The following PSD2 variants were observed in gnomAD, a reference collection of about 807,000 sequenced individuals.
PSD2 encodes PH and SEC7 domain-containing protein 2.
A neutral mutation model predicts 69.8 loss-of-function variants in PSD2; 38 were observed. That is an observed-to-expected ratio of 0.54 (90% CI 0.42 to 0.71). The LOEUF (loss-of-function observed/expected upper bound fraction) is 0.71. Among genes scored for constraint, PSD2 ranks in the 30% least tolerant of loss-of-function variants. PSD2 has a pLI of 0.00. For missense variants in PSD2, 943 were observed against 1,014.5 expected (o/e 0.93, Z 0.96); for synonymous variants, 412 against 423.0 (o/e 0.97, Z 0.32).
intron 1 of PSD2, among the ~76,000 whole-genome samples, chr5:139,796,505 C>T (rs895393167): frequency 6.6e-6 from 1 of 152,224 alleles, no homozygotes; most frequent in Admixed American, 6.5e-5. Flanking sequence ...CCAGGCCTCC[C>T]CGGCTCTGCA....
the PSD2 span, among the ~76,000 whole-genome samples, chr5:139,784,446 ATCTATC>A: frequency 2.0e-5 from 3 of 152,062 alleles, no homozygotes; most frequent in East Asian, 5.8e-4. Context: ...GATGTCTCCA[ATCTATC>A]TCTAACACAG....
chr5:139,769,883 G>T, the PSD2 span, among the ~76,000 whole-genome samples: 1 of 152,242 alleles, frequency 6.6e-6, no homozygotes, highest in Admixed American at 6.5e-5. Context: ...GTCACACAGG[G>T]CCCCATGCTC....
chr5:139,744,607 G>A, the PSD2 span, among the ~76,000 whole-genome samples: 22 of 152,240 alleles, frequency 1.4e-4, no homozygotes, highest in South Asian at 4.6e-3. Context: ...GGCAGCGGCG[G>A]GGGTGGGGGG....
intron 7 of PSD2, among the ~76,000 whole-genome samples, chr5:139,825,176 G>A (rs1760384313): frequency 6.6e-6 from 1 of 152,186 alleles, no homozygotes; most frequent in Non-Finnish European, 1.5e-5. Flanking sequence ...TCCATGAAGG[G>A]CACACACAGG....
At chr5:139,830,440 G>A (rs929188959) in intron 7 of PSD2, among the ~76,000 whole-genome samples, 22 of 143,952 alleles carry the variant, frequency 1.5e-4, no homozygotes, top group African/African-American at 4.6e-4. Flanking sequence ...AGCCTCAACC[G>A]CCTGGGCTCA....
At chr5:139,802,973 C>T (rs1183173830) in intron 1 of PSD2, among the ~76,000 whole-genome samples, 1 of 152,198 alleles carries the variant, frequency 6.6e-6, no homozygotes, top group East Asian at 1.9e-4. Context: ...AAGGCAAGGG[C>T]TGGTTCCCTG....
the PSD2 span, among the ~76,000 whole-genome samples, chr5:139,788,493 G>T: frequency 6.6e-6 from 1 of 152,160 alleles, no homozygotes; most frequent in Non-Finnish European, 1.5e-5. Flanking sequence ...GGACAGGGTG[G>T]GGTGACCTCC....
the PSD2 span, among the ~76,000 whole-genome samples, chr5:139,752,785 G>A: frequency 6.6e-6 from 1 of 152,196 alleles, no homozygotes; most frequent in South Asian, 2.1e-4. Context: ...CAGAGAGCTG[G>A]CTGCCCGCCA....
chr5:139,771,534 A>G, the PSD2 span, among the ~76,000 whole-genome samples: 2 of 151,956 alleles, frequency 1.3e-5, no homozygotes. Context: ...GCCCGCCACC[A>G]CGCCCGGCTA....
chr5:139,806,178 A>G (rs114262098), intron 1 of PSD2, among the ~76,000 whole-genome samples: 1,828 of 152,370 alleles, frequency 0.012, 37 homozygotes, highest in African/African-American at 0.042. Flanking sequence ...GAGAGGCTGC[A>G]GGGGATCTTG....
chr5:139,821,833 G>A (rs1256141071), intron 5 of PSD2, 60 bp from the exon 6 acceptor site: 7 of 919,810 alleles, frequency 7.6e-6, no homozygotes, highest in Non-Finnish European at 1.2e-5. Context: ...GTGTGTGGGG[G>A]GTGGTCTTAC....
the PSD2 span, among the ~76,000 whole-genome samples, chr5:139,772,253 C>T: frequency 6.6e-6 from 1 of 152,196 alleles, no homozygotes; most frequent in Non-Finnish European, 1.5e-5. Flanking sequence ...ACTCTAGTCC[C>T]AGACCCAGCA....
chr5:139,780,292 C>T, the PSD2 span, among the ~76,000 whole-genome samples: 1 of 152,212 alleles, frequency 6.6e-6, no homozygotes, highest in African/African-American at 2.4e-5. Context: ...GTTGACCTGG[C>T]AATCAGCTGT....
At chr5:139,764,220 G>A in the PSD2 span, among the ~76,000 whole-genome samples, 4 of 152,222 alleles carry the variant, frequency 2.6e-5, no homozygotes, top group Non-Finnish European at 5.9e-5. Context: ...TGGGGAGGGA[G>A]GGGGGCAGTG....
the PSD2 span, among the ~76,000 whole-genome samples, chr5:139,755,685 G>C: frequency 6.6e-6 from 1 of 151,250 alleles, no homozygotes; most frequent in South Asian, 2.1e-4. Context: ...ATGAGGCTCC[G>C]TGCCTGTTTC....
intron 5 of PSD2, among the ~76,000 whole-genome samples, chr5:139,820,859 G>A (rs567617738): frequency 3.2e-4 from 48 of 152,222 alleles, no homozygotes; most frequent in African/African-American, 1.1e-3. Flanking sequence ...GCAGAGGAGG[G>A]TAGTCTGGGC....
intron 5 of PSD2, among the ~76,000 whole-genome samples, chr5:139,819,036 TC>T (rs1760191509): frequency 6.6e-6 from 1 of 152,244 alleles, no homozygotes; most frequent in Non-Finnish European, 1.5e-5. Context: ...TGTATCTGTT[TC>T]TATTGTCTCT....
upstream of PSD2, among the ~76,000 whole-genome samples, chr5:139,795,292 C>A (rs1759490478): frequency 6.6e-6 from 1 of 152,296 alleles, no homozygotes; most frequent in Non-Finnish European, 1.5e-5. This position sits in a 1 kb window ranked among gnomAD's most constrained non-coding sequence, Gnocchi z 4.5. Flanking sequence ...TTCACCTTGG[C>A]CCCCCGCACT....
At chr5:139,784,372 C>G in the PSD2 span, among the ~76,000 whole-genome samples, 1 of 152,160 alleles carries the variant, frequency 6.6e-6, no homozygotes, top group East Asian at 1.9e-4. Flanking sequence ...CTGTCTGCCA[C>G]TCTGACATCT....
Sources: gnomAD v4.1 joint callset for allele counts (sites outside exome capture counted in the v4.1 genomes callset) on GRCh38, gnomAD v4.1.1 for gene constraint, Gnocchi (gnomAD v3.1) non-coding constraint, MANE v1.5 for transcripts, NCBI Gene and HGNC (gene_info 2026-07-23, HGNC 2026-07-21) for gene names.